The following RABEPK variants were observed in gnomAD, a reference collection of about 807,000 sequenced individuals.
RABEPK encodes the protein Rab9 effector protein with kelch motifs.
Under a neutral mutation model 34.1 loss-of-function variants are expected in RABEPK, and 27 were observed. The observed-to-expected ratio is 0.79, with a 90% confidence interval of 0.58 to 1.09. RABEPK has a LOEUF of 1.09. RABEPK is among the 50% of genes least tolerant of loss of function. RABEPK has a pLI of 0.00. For missense variants in RABEPK, 449 were observed against 462.6 expected, an observed-to-expected ratio of 0.97 and a Z score of 0.27; for synonymous variants, 172 against 169.2, an observed-to-expected ratio of 1.02 and a Z score of -0.13.
intron 2 of RABEPK, among the ~76,000 whole-genome samples, chr9:125,204,957 A>G (rs1830126868): frequency 6.6e-6 from 1 of 152,018 alleles, no homozygotes. Context: ...TCTCCCAAGT[A>G]ACTGGGACTG....
chr9:125,232,726 A>T lies in RABEPK; in HGVS notation c.807A>T (p.Thr269=). 3 of 1,613,854 alleles carry T rather than the reference A, an allele frequency of 1.9e-6. No homozygotes were observed. The highest frequency in any genetic ancestry group is 2.5e-6 in the Non-Finnish European group (3 of 1,179,876). The part of the protein sequence containing the change: ...GGMTPAGALD[T]MYQYHTEEQH... ...TGACTCCTGCAGGAGCACTGGACAC[A>T]ATGTACCAGTATCACACAGGTGAGC... Residue 269 remains threonine, a synonymous_variant, in exon 7 of 8, where the codon ACA becomes ACT. Transcript: ENST00000373538.
chr9:125,228,102 T>TTATC (rs1831898657), intron 6 of RABEPK, 43 bp downstream of exon 6: 1 of 1,280,000 alleles, frequency 7.8e-7, no homozygotes, highest in African/African-American at 1.5e-5. Flanking sequence ...ATTGTTATTT[T>TTATC]TATTTATTTA....
In RABEPK at chr9:125,232,622, C is replaced by T. The variant is rs763039448; in HGVS notation, c.703C>T (p.Pro235Ser). ...ISDMKWQKLN[P>S]TGAAPAGCAA... ...TGACATGAAATGGCAGAAGCTAAATCCCACTGGGGCTGCTCCAGCAGGCTG... is the reference window on the plus strand; with the variant it reads ...TGACATGAAATGGCAGAAGCTAAATTCCACTGGGGCTGCTCCAGCAGGCTG... Residue 235 changes from proline (P) to serine (S), a missense_variant, in exon 7 of 8, where the codon CCC (proline) becomes TCC (serine). Coordinates refer to ENST00000373538, the MANE Select transcript of RABEPK (RefSeq NM_005833.4). 4.7e-5 allele frequency: 76 copies of T among 1,613,182 alleles called. 1 individual carries two copies. Among genetic ancestry groups the T allele is most frequent in the South Asian group, 3.5e-4 (32 of 90,952 alleles).
intron 4 of RABEPK, among the ~76,000 whole-genome samples, chr9:125,216,170 G>T (rs1830916775): frequency 6.6e-6 from 1 of 152,060 alleles, no homozygotes; most frequent in Admixed American, 6.6e-5. Flanking sequence ...GTGCATGCCT[G>T]TAGTCCCAGC....
At chr9:125,224,268 A>G (rs1230088610) in intron 5 of RABEPK, among the ~76,000 whole-genome samples, 3 of 151,998 alleles carry the variant, frequency 2.0e-5, no homozygotes, top group Admixed American at 2.0e-4. Context: ...TTTCTGGTAT[A>G]TAGAAATGAT....
At chr9:125,224,602 G>T (rs753083196) in intron 5 of RABEPK, among the ~76,000 whole-genome samples, 5 of 151,852 alleles carry the variant, frequency 3.3e-5, no homozygotes, top group Admixed American at 3.3e-4. Context: ...GCAGGCACAT[G>T]CCACCACGCC....
chr9:125,219,275 C>T lies in RABEPK; in HGVS notation c.365-1264C>T, dbSNP rs570943118. Among the ~76,000 whole-genome samples, 267 of 136,522 alleles carry T rather than the reference C, an allele frequency of 2.0e-3. 2 individuals carry two copies. The highest frequency in any genetic ancestry group is 6.9e-3 in the African/African-American group (248 of 36,156). The allele number at this position is 136,522 out of a possible 152,430, so 89.6% of individuals were successfully genotyped here. A position where few individuals can be genotyped will look rare whatever the true frequency, so the allele number is the denominator to read the frequency against. Reference sequence around the variant, plus strand: ...GCAATGGCACGATCATAGTTCATTGCAGCCTCAAACTCCTGGGCTCAAGCA... The same window carrying T: ...GCAATGGCACGATCATAGTTCATTGTAGCCTCAAACTCCTGGGCTCAAGCA... On this transcript the variant is annotated intron_variant, in intron 4 of 7. Coordinates refer to ENST00000373538, the MANE Select transcript of RABEPK (RefSeq NM_005833.4).
At chr9:125,218,814 C>T (rs1374487780) in intron 4 of RABEPK, among the ~76,000 whole-genome samples, 1 of 152,118 alleles carries the variant, frequency 6.6e-6, no homozygotes, top group Non-Finnish European at 1.5e-5. Flanking sequence ...CAACCTCAAC[C>T]GCTGCAGGCT....
chr9:125,203,173 G>GCAGACAGTTTCA, intron 2 of RABEPK, 107 bp downstream of exon 2: 5 of 923,868 alleles, frequency 5.4e-6, no homozygotes, highest in Non-Finnish European at 8.5e-6. Context: ...AGATGAAACT[G>GCAGACAGTTTCA]TCTGCAGTTT....
At chr9:125,202,091 G>A (rs1465916857) in intron 1 of RABEPK, among the ~76,000 whole-genome samples, 1 of 151,978 alleles carries the variant, frequency 6.6e-6, no homozygotes, top group East Asian at 2.0e-4. Flanking sequence ...GCACTTGCCT[G>A]TAGTCCCAGC....
rs138007700 is a variant in RABEPK, at chr9:125,225,928, A to G, written c.527-1982A>G. 8.8e-3 allele frequency among the ~76,000 whole-genome samples: 1,307 copies of G among 148,794 alleles called. 25 individuals are homozygous for G. Among genetic ancestry groups the G allele is most frequent in the African/African-American group, 0.031 (1,256 of 40,170 alleles). Reference sequence around the variant, plus strand: ...CAGTGAGCTGAGATTGCACCATTACACTCCAGCCTGGGTGACAGAGGAAGA... The same window carrying G: ...CAGTGAGCTGAGATTGCACCATTACGCTCCAGCCTGGGTGACAGAGGAAGA... On this transcript the variant is annotated intron_variant, in intron 5 of 7. Transcript: ENST00000373538.
Position 125,213,450 on chromosome 9 carries a change from C to T in RABEPK, c.292C>T (p.Pro98Ser), listed in dbSNP as rs1376394195. Residue 98 changes from proline (P) to serine (S), a missense_variant, in exon 4 of 8, where the codon CCT becomes TCT. Pro to Ser is a moderately conservative substitution (Grantham distance 74). Coordinates refer to ENST00000373538, the MANE Select transcript of RABEPK (RefSeq NM_005833.4). ...TGCTAGCTTCATTCCCTCCTGCACA[C>T]CTGACCGTATCTGGGTATTTGGAGG... ...EHASFIPSCT[P>S]DRIWVFGGAN... 1 of 1,614,016 alleles carries T rather than the reference C, an allele frequency of 6.2e-7. No homozygotes were observed. The highest frequency in any genetic ancestry group is 8.5e-7 in the Non-Finnish European group (1 of 1,179,998).
chr9:125,216,897 G>C (rs1396249051), intron 4 of RABEPK, among the ~76,000 whole-genome samples: 1 of 151,670 alleles, frequency 6.6e-6, no homozygotes, highest in Non-Finnish European at 1.5e-5. Flanking sequence ...AACCTGGGAG[G>C]TGGAGGTTGC....
chr9:125,224,209 A>C (rs1423377839), intron 5 of RABEPK, among the ~76,000 whole-genome samples: 2 of 122,178 alleles, frequency 1.6e-5, no homozygotes, highest in Non-Finnish European at 4.0e-5. Context: ...AAACAAAAAC[A>C]AAACAAAAAA....
chr9:125,219,047 A>T (rs1831140252), intron 4 of RABEPK, among the ~76,000 whole-genome samples: 1 of 151,586 alleles, frequency 6.6e-6, no homozygotes, highest in Non-Finnish European at 1.5e-5. Flanking sequence ...TGTCTCTTTT[A>T]AAAAGTTACT....
At chr9:125,233,586 C>G in intron 7 of RABEPK, 102 bp from the exon 8 acceptor site, 1 of 1,242,372 alleles carries the variant, frequency 8.0e-7, no homozygotes, top group Non-Finnish European at 1.1e-6. Context: ...TCGTGATCCA[C>G]CCGCTTCGGC....
intron 3 of RABEPK, 131 bp downstream of exon 3, chr9:125,207,852 G>GAGCCACCACACC: frequency 8.7e-7 from 1 of 1,149,516 alleles, no homozygotes; most frequent in Non-Finnish European, 1.2e-6. Flanking sequence ...AGGACCAGGT[G>GAGCCACCACACC]TGGTGGCTCA....
rs775984298 is a variant in RABEPK at position 125,233,933 on chromosome 9, A to G, written c.1072A>G (p.Thr358Ala). 1.2e-6 allele frequency: 2 copies of G among 1,613,562 alleles called. No homozygotes were observed. Among genetic ancestry groups the G allele is most frequent in the Non-Finnish European group, 8.5e-7 (1 of 1,179,448 alleles). ...LLCLVFGGMN[T>A]EGEIYDDCIV... is the part of the protein sequence containing the mutation. ...CTGTTTGGTGTTTGGTGGGATGAAT[A>G]CAGAAGGGGAAATCTATGACGATTG... Residue 358 changes from threonine (T) to alanine (A), a missense_variant, in exon 8 of 8, where the codon ACA becomes GCA. By Grantham distance (58) the Thr-to-Ala change is moderately conservative. Coordinates refer to ENST00000373538, the MANE Select transcript of RABEPK (RefSeq NM_005833.4).
chr9:125,204,195 G>A (rs1325338386), intron 2 of RABEPK, among the ~76,000 whole-genome samples: 1 of 151,762 alleles, frequency 6.6e-6, no homozygotes. Flanking sequence ...TTAGCCGGGC[G>A]TGGTGGCGGG....
Sources: allele counts gnomAD v4.1 joint callset (sites outside exome capture counted in the v4.1 genomes callset), GRCh38; gene constraint gnomAD v4.1.1; transcripts MANE v1.5; gene names NCBI Gene and HGNC (gene_info 2026-07-23, HGNC 2026-07-21).